The following RHPN2 variants were observed in gnomAD, a reference collection of about 807,000 sequenced individuals.
The protein encoded by RHPN2 is rhophilin-2.
In RHPN2, 40 loss-of-function variants were observed where a neutral mutation model predicts 79.0. The observed-to-expected ratio is 0.51, with a 90% CI of 0.39 to 0.66. The LOEUF (loss-of-function observed/expected upper bound fraction) is 0.66, where lower values mean the gene tolerates loss of function less well. Among genes scored for constraint, RHPN2 ranks in the 30% least tolerant of loss-of-function variants. The pLI is 0.00. For missense variants in RHPN2, 686 were observed against 883.5 expected (o/e 0.78, Z 2.83); for synonymous variants, 285 against 363.5 (o/e 0.78, Z 2.46).
chr19:32,979,906 A>T lies in RHPN2; in HGVS notation c.*90T>A. On this transcript the variant is annotated 3_prime_UTR_variant, in exon 15 of 15. Coordinates refer to ENST00000254260, the MANE Select transcript of RHPN2 (RefSeq NM_033103.5). ...TGAGAAAAACAGGATTTGAGAACAGATAGATAGATATTTTCCATTATGGCA... is the reference window on the plus strand; with the variant it reads ...TGAGAAAAACAGGATTTGAGAACAGTTAGATAGATATTTTCCATTATGGCA... 6.9e-7 allele frequency: 1 copy of T among 1,449,230 alleles called. No homozygotes were observed. The highest frequency in any genetic ancestry group is 2.3e-5 in the East Asian group (1 of 44,130). 89.8% of individuals were successfully genotyped at this position (1,449,230 alleles called of 1,614,324 possible).
At chr19:33,033,677 T>G (rs1257332027) in intron 2 of RHPN2, among the ~76,000 whole-genome samples, 1 of 152,014 alleles carries the variant, frequency 6.6e-6, no homozygotes, top group Non-Finnish European at 1.5e-5. Context: ...GAGACCAGCC[T>G]GACCAACGTG....
chr19:33,057,663 G>A (rs1290121625), intron 1 of RHPN2, among the ~76,000 whole-genome samples: 6 of 125,652 alleles, frequency 4.8e-5, no homozygotes, highest in Admixed American at 4.8e-4. Flanking sequence ...GTGACAGAGC[G>A]AAACTCCATC....
At chr19:33,025,945 C>T (rs1052864912) in intron 3 of RHPN2, among the ~76,000 whole-genome samples, 19 of 150,750 alleles carry the variant, frequency 1.3e-4, no homozygotes, top group East Asian at 5.8e-4. Flanking sequence ...TGGCTCATCA[C>T]GTATATTTAC....
chr19:32,980,033 G>A lies in RHPN2; in HGVS notation c.2024C>T (p.Pro675Leu), dbSNP rs1370422698. The change falls in exon 15 of 15, where the codon CCT becomes CTT. Residue 675 changes from proline to leucine, a missense_variant. Coordinates refer to ENST00000254260, the MANE Select transcript of RHPN2 (RefSeq NM_033103.5). ...RPQVKKKLPS[P>L]FSLLNSDSSW... The stretch of plus-strand genomic sequence containing the variant: ...ACTGTCTGAGTTGAGAAGGCTGAAA[G>A]GGGAGGGCAGCTTCTTCTTGACCTG... 1.2e-6 allele frequency: 2 copies of A among 1,613,812 alleles called. No homozygotes were observed. Among genetic ancestry groups the A allele is most frequent in the South Asian group, 1.1e-5 (1 of 91,078 alleles).
intron 2 of RHPN2, among the ~76,000 whole-genome samples, chr19:33,036,270 A>G (rs931084995): frequency 6.6e-6 from 1 of 150,452 alleles, no homozygotes; most frequent in South Asian, 2.1e-4. Context: ...AGGCTGAGGC[A>G]GGAGGATTAC....
rs963426695 is a variant in RHPN2 at position 32,990,092 on chromosome 19, G to A, written c.1800+422C>T. ...TGCACTCCAGCCTGGGTGACAGAGC[G>A]AGACTCCGTCTCAAAAAAAAAATAA... On this transcript the variant is annotated intron_variant, in intron 14 of 14. Coordinates refer to ENST00000254260, the MANE Select transcript of RHPN2 (RefSeq NM_033103.5). Among the ~76,000 whole-genome samples the A allele has an allele frequency of 7.7e-5, 11 of 143,212 alleles. No individual in the cohort carries two copies. The East Asian group carries it at 1.2e-3, about 16-fold the overall frequency. The allele number at this position is 143,212 out of a possible 152,430, so 94.0% of individuals were successfully genotyped here. A position where few individuals can be genotyped will look rare whatever the true frequency, so the allele number is the denominator to read the frequency against.
chr19:33,010,688 T>G (rs950655620), intron 6 of RHPN2, among the ~76,000 whole-genome samples: 1 of 149,950 alleles, frequency 6.7e-6, no homozygotes, highest in African/African-American at 2.5e-5. Flanking sequence ...CAGCCTTTTT[T>G]TTTCTTGTTT....
At chr19:33,032,416 T>A (rs560919227) in intron 2 of RHPN2, among the ~76,000 whole-genome samples, 1 of 152,180 alleles carries the variant, frequency 6.6e-6, no homozygotes, top group African/African-American at 2.4e-5. Flanking sequence ...TCTCCAGAGG[T>A]GGTGTAGGGA....
intron 4 of RHPN2, among the ~76,000 whole-genome samples, chr19:33,020,027 T>A (rs1971910673): frequency 6.6e-6 from 1 of 151,974 alleles, no homozygotes; most frequent in African/African-American, 2.4e-5. Flanking sequence ...CGGGGCATGG[T>A]CTCTCCTGTG....
intron 7 of RHPN2, among the ~76,000 whole-genome samples, chr19:33,007,229 G>A (rs1413051349): frequency 6.6e-6 from 1 of 151,978 alleles, no homozygotes; most frequent in East Asian, 2.0e-4. Context: ...GCTCATGCCT[G>A]TAATCCCAGC....
At chr19:32,989,963 G>A (rs1437964170) in intron 14 of RHPN2, among the ~76,000 whole-genome samples, 1 of 152,108 alleles carries the variant, frequency 6.6e-6, no homozygotes, top group Non-Finnish European at 1.5e-5. Context: ...AAATTAGCCA[G>A]GCATGTTGGC....
intron 4 of RHPN2, 69 bp from the exon 5 acceptor site, chr19:33,012,793 T>C (rs1235580133): frequency 3.6e-5 from 31 of 861,982 alleles, no homozygotes; most frequent in Non-Finnish European, 5.4e-5. Context: ...AATAGTAATA[T>C]GTCAATTGTG....
At chr19:32,984,061 G>A (rs956189840) in intron 14 of RHPN2, among the ~76,000 whole-genome samples, 1 of 152,198 alleles carries the variant, frequency 6.6e-6, no homozygotes, top group African/African-American at 2.4e-5. Flanking sequence ...CTCTGGATGA[G>A]AAAACCGAGG....
At chr19:32,981,692 T>A (rs537228958) in intron 14 of RHPN2, among the ~76,000 whole-genome samples, 121 of 109,750 alleles carry the variant, frequency 1.1e-3, no homozygotes, top group Admixed American at 2.6e-3. Flanking sequence ...TCTTTTTTTC[T>A]TTTTTTTCTT....
chr19:33,044,133 C>G, intron 2 of RHPN2, 116 bp downstream of exon 2: 1 of 789,740 alleles, frequency 1.3e-6, no homozygotes, highest in Non-Finnish European at 2.3e-6. Context: ...AAAGGGACGA[C>G]TCCAGATGCC....
intron 1 of RHPN2, among the ~76,000 whole-genome samples, chr19:33,045,408 T>C (rs1325099041): frequency 6.6e-6 from 1 of 152,110 alleles, no homozygotes; most frequent in African/African-American, 2.4e-5. Flanking sequence ...ACCATACGTT[T>C]TGCCCTTTTA....
intron 1 of RHPN2, among the ~76,000 whole-genome samples, chr19:33,048,733 A>AAAAAAAAAAAC (rs992917066): frequency 5.3e-5 from 8 of 151,192 alleles, no homozygotes; most frequent in African/African-American, 1.7e-4. Flanking sequence ...CTCAAAAAAA[A>AAAAAAAAAAAC]AAAAAAAAAA....
intron 10 of RHPN2, among the ~76,000 whole-genome samples, chr19:32,999,286 A>G (rs1971729578): frequency 6.6e-6 from 1 of 152,074 alleles, no homozygotes; most frequent in South Asian, 2.1e-4. Flanking sequence ...TAAGGAAATC[A>G]ACAAACGTCT....
intron 14 of RHPN2, among the ~76,000 whole-genome samples, chr19:32,985,542 T>C (rs28488991): frequency 0.38 from 57,288 of 152,060 alleles, 11,615 homozygotes; most frequent in African/African-American, 0.52. Context: ...GAAGCGGAGA[T>C]GGGAGGATCA....
Sources: gnomAD v4.1 joint callset for allele counts (sites outside exome capture counted in the v4.1 genomes callset) on GRCh38, gnomAD v4.1.1 for gene constraint, MANE v1.5 for transcripts, NCBI Gene and HGNC (gene_info 2026-07-23, HGNC 2026-07-21) for gene names.